The following CDH4 variants were observed in gnomAD, a reference collection of about 807,000 sequenced individuals.
The protein encoded by CDH4 is cadherin 4.
A neutral mutation model predicts 86.0 loss-of-function variants in CDH4; 33 were observed. The observed-to-expected ratio is 0.38, with a 90% CI of 0.29 to 0.51. CDH4 has a LOEUF of 0.51. Ranked by LOEUF, CDH4 falls within the 20% of genes least tolerant of loss-of-function variation. CDH4 has a pLI of 0.86. For missense variants in CDH4, 1,114 were observed against 1,307.4 expected (o/e 0.85, Z 2.28); for synonymous variants, 555 against 549.4 (o/e 1.01, Z -0.14).
intron 2 of CDH4, among the ~76,000 whole-genome samples, chr20:61,679,611 AG>A (rs2087486271): frequency 6.6e-6 from 1 of 152,202 alleles, no homozygotes; most frequent in Non-Finnish European, 1.5e-5. Context: ...GGTTAACAGC[AG>A]CACCCATCAA....
intron 2 of CDH4, among the ~76,000 whole-genome samples, chr20:61,562,542 T>G (rs1183528143): frequency 6.6e-6 from 1 of 152,206 alleles, no homozygotes; most frequent in Admixed American, 6.5e-5. Context: ...CGAACCCACC[T>G]TGTACACCCC....
At chr20:61,305,502 C>T (rs556930817) in intron 2 of CDH4, among the ~76,000 whole-genome samples, 21 of 152,370 alleles carry the variant, frequency 1.4e-4, no homozygotes, top group African/African-American at 4.1e-4. Flanking sequence ...AGACTTTGAA[C>T]AGCCTGAGGT....
chr20:61,454,462 T>C (rs554011981), intron 2 of CDH4, among the ~76,000 whole-genome samples: 44 of 152,242 alleles, frequency 2.9e-4, no homozygotes, highest in African/African-American at 1.0e-3. Context: ...TCTTTCTTTT[T>C]TGAGACGGAG....
chr20:61,338,659 A>G (rs2084632928), intron 2 of CDH4, among the ~76,000 whole-genome samples: 1 of 152,144 alleles, frequency 6.6e-6, no homozygotes, highest in African/African-American at 2.4e-5. Context: ...ATTACTGTTT[A>G]TTTGTAATAA....
chr20:61,683,530 C>T (rs888545805), intron 2 of CDH4, among the ~76,000 whole-genome samples: 1 of 152,134 alleles, frequency 6.6e-6, no homozygotes, highest in African/African-American at 2.4e-5. Flanking sequence ...AACGGGGTGC[C>T]GTGCTAGAAG....
chr20:61,592,155 C>T (rs554899804), intron 2 of CDH4, among the ~76,000 whole-genome samples: 1 of 151,924 alleles, frequency 6.6e-6, no homozygotes, highest in Non-Finnish European at 1.5e-5. Flanking sequence ...TTCCCCCAGC[C>T]ATTTACTTTG....
chr20:61,446,046 A>T (rs768446351), intron 2 of CDH4, among the ~76,000 whole-genome samples: 5 of 152,232 alleles, frequency 3.3e-5, no homozygotes, highest in Non-Finnish European at 7.4e-5. Flanking sequence ...CAGTTGATTT[A>T]GAAGTGATGA....
chr20:61,321,232 GAACAGTT>G (rs2084506636), intron 2 of CDH4, among the ~76,000 whole-genome samples: 1 of 152,172 alleles, frequency 6.6e-6, no homozygotes, highest in Non-Finnish European at 1.5e-5. Context: ...CTGCAAATTA[GAACAGTT>G]AATTTCCTGG....
intron 4 of CDH4, among the ~76,000 whole-genome samples, chr20:61,795,081 A>ATGT (rs1600995909): frequency 7.9e-6 from 1 of 125,918 alleles, no homozygotes; most frequent in African/African-American, 3.3e-5. Flanking sequence ...GGTGAGGGTG[A>ATGT]TGATGTTGAT....
intron 2 of CDH4, among the ~76,000 whole-genome samples, chr20:61,594,113 T>C (rs1600790575): frequency 2.1e-5 from 1 of 47,770 alleles, no homozygotes; most frequent in African/African-American, 9.2e-5. Flanking sequence ...GGGAAGGGGG[T>C]CAGGGCAAAG....
intron 2 of CDH4, among the ~76,000 whole-genome samples, chr20:61,565,265 G>GTTGGTT (rs2086274969): frequency 9.2e-5 from 2 of 21,738 alleles, no homozygotes; most frequent in African/African-American, 8.4e-4. Context: ...TGATGGTGGT[G>GTTGGTT]GTGGTCCTCT....
chr20:61,883,926 C>T (rs1018222454), intron 7 of CDH4, among the ~76,000 whole-genome samples: 2 of 152,196 alleles, frequency 1.3e-5, no homozygotes, highest in South Asian at 2.1e-4. Flanking sequence ...AAGAGGGTCC[C>T]AGCATCCCCA....
intron 4 of CDH4, among the ~76,000 whole-genome samples, chr20:61,815,089 C>G (rs1217523886): frequency 6.6e-6 from 1 of 152,142 alleles, no homozygotes; most frequent in African/African-American, 2.4e-5. Flanking sequence ...AATTCTGCAC[C>G]CTGAGTTAAC....
rs563737479 is a variant in CDH4 at position 61,769,254 on chromosome 20, G to A, written c.397-3749G>A. On this transcript the variant is annotated intron_variant, in intron 3 of 15. Transcript: ENST00000614565. Reference sequence around the variant, plus strand: ...GCAGAACATATCAGGCGTGGTTGGCGGCCCCACCCCAGAGTTGTTAAGTCT... The same window carrying A: ...GCAGAACATATCAGGCGTGGTTGGCAGCCCCACCCCAGAGTTGTTAAGTCT... Among the ~76,000 whole-genome samples the A allele has an allele frequency of 3.3e-4, 50 of 152,160 alleles. 1 individual carries two copies. Among genetic ancestry groups the A allele is most frequent in the Non-Finnish European group, 1.5e-4 (10 of 68,030 alleles).
intron 2 of CDH4, among the ~76,000 whole-genome samples, chr20:61,354,413 C>T (rs2084734292): frequency 6.6e-6 from 1 of 152,224 alleles, no homozygotes; most frequent in South Asian, 2.1e-4. Context: ...AGATGGCCAT[C>T]CCCACTTTGC....
At chr20:61,319,429 G>A (rs1057024235) in intron 2 of CDH4, among the ~76,000 whole-genome samples, 15 of 152,002 alleles carry the variant, frequency 9.9e-5, no homozygotes, top group Admixed American at 5.9e-4. Flanking sequence ...TCATTCATCC[G>A]TCCACCTTGT....
chr20:61,773,372 G>A (rs2088801377), intron 4 of CDH4, among the ~76,000 whole-genome samples, 190 bp downstream of exon 4: 1 of 152,194 alleles, frequency 6.6e-6, no homozygotes, highest in Non-Finnish European at 1.5e-5. Context: ...CGTCCTCCGC[G>A]GTGGATGGGC....
chr20:61,394,589 C>A (rs867678024), intron 2 of CDH4, among the ~76,000 whole-genome samples: 1 of 151,638 alleles, frequency 6.6e-6, no homozygotes, highest in African/African-American at 2.4e-5. Context: ...AGCACCAGGG[C>A]GGGGTGAGGA....
chr20:61,339,280 A>T (rs1162584832), intron 2 of CDH4, among the ~76,000 whole-genome samples: 1 of 152,180 alleles, frequency 6.6e-6, no homozygotes, highest in African/African-American at 2.4e-5. Flanking sequence ...GGAGGAAGGG[A>T]CTGGGATGGA....
Sources: allele counts gnomAD v4.1 joint callset (sites outside exome capture counted in the v4.1 genomes callset), GRCh38; gene constraint gnomAD v4.1.1; transcripts MANE v1.5; gene names NCBI Gene and HGNC (gene_info 2026-07-23, HGNC 2026-07-21).